The following SCN10A variants were observed in gnomAD, a reference collection of about 807,000 sequenced individuals.
SCN10A encodes sodium voltage-gated channel alpha subunit 10.
A neutral mutation model predicts 170.7 loss-of-function variants in SCN10A; 162 were observed. The observed-to-expected ratio is 0.95, with a 90% CI of 0.84 to 1.08. The LOEUF (loss-of-function observed/expected upper bound fraction) is 1.08, where lower values mean the gene tolerates loss of function less well. SCN10A is among the 50% of genes least tolerant of loss of function. SCN10A has a pLI of 0.00. For missense variants in SCN10A, 2,527 were observed against 2,436.9 expected (o/e 1.04, Z -0.78); for synonymous variants, 985 against 904.6 (o/e 1.09, Z -1.59).
At chr3:38,728,403 G>T in intron 16 of SCN10A, 139 bp downstream of exon 16, 1 of 894,864 alleles carries the variant, frequency 1.1e-6, no homozygotes. Flanking sequence ...AATCCCACAT[G>T]AATTTGAAAA....
intron 14 of SCN10A, 79 bp downstream of exon 14, chr3:38,742,212 C>A: frequency 1.0e-6 from 1 of 973,136 alleles, no homozygotes; most frequent in Non-Finnish European, 1.6e-6. Flanking sequence ...ATGCCCCACC[C>A]CACCCGAACT....
At chr3:38,716,687 G>A (rs1204805851) in intron 21 of SCN10A, among the ~76,000 whole-genome samples, 1 of 152,216 alleles carries the variant, frequency 6.6e-6, no homozygotes, top group Non-Finnish European at 1.5e-5. Context: ...TAGTTGAATG[G>A]AAGGATGGGA....
At chr3:38,792,193 G>A in intron 2 of SCN10A, 25 bp from the exon 3 acceptor site, 1 of 1,610,818 alleles carries the variant, frequency 6.2e-7, no homozygotes, top group Non-Finnish European at 8.5e-7. Context: ...AACAGAAAGT[G>A]GACCTCCAAT....
Position 38,709,590 on chromosome 3 carries a change from T to C in SCN10A, c.4169A>G (p.Asp1390Gly). 1 of 1,608,738 alleles carries C rather than the reference T, an allele frequency of 6.2e-7. No individual in the cohort carries two copies. The highest frequency in any genetic ancestry group is 1.1e-5 in the South Asian group (1 of 89,768). ...AAAGTACAAATACATGTACACGTTGTCCTCCCACTTGGGTTGCATGTTGAC... is the reference window on the plus strand; with the variant it reads ...AAAGTACAAATACATGTACACGTTGCCCTCCCACTTGGGTTGCATGTTGAC... ...REVNMQPKWE[D>G]NVYMYLYFVI... is the part of the protein sequence containing the mutation. The change falls in exon 25 of 28, where the codon GAC becomes GGC. Residue 1390 changes from aspartate (D) to glycine (G), a missense_variant. Coordinates refer to ENST00000449082, the MANE Select transcript of SCN10A (RefSeq NM_006514.4).
intron 11 of SCN10A, among the ~76,000 whole-genome samples, chr3:38,754,873 T>C (rs1360801173): frequency 1.3e-5 from 2 of 152,076 alleles, no homozygotes; most frequent in Non-Finnish European, 2.9e-5. Flanking sequence ...AAAATAGCCA[T>C]GTTGATCCCC....
chr3:38,794,084 C>T (rs2064321440), intron 1 of SCN10A, 42 bp from the exon 2 acceptor site: 4 of 1,375,222 alleles, frequency 2.9e-6, no homozygotes, highest in Non-Finnish European at 4.1e-6. Context: ...GACAGCTTGC[C>T]CACTGGCCCT....
intron 14 of SCN10A, 29 bp from the exon 15 acceptor site, chr3:38,739,717 G>A: frequency 6.4e-7 from 1 of 1,551,010 alleles, no homozygotes; most frequent in South Asian, 1.2e-5. Flanking sequence ...TTTCATCACA[G>A]TGGGATCTGT....
intron 8 of SCN10A, among the ~76,000 whole-genome samples, chr3:38,758,507 G>A (rs1576011523): frequency 6.6e-6 from 1 of 152,228 alleles, no homozygotes; most frequent in Admixed American, 6.5e-5. Flanking sequence ...CTTGGAAGCT[G>A]CTGAAAGGAT....
chr3:38,698,124 A>G lies in SCN10A; in HGVS notation c.5096T>C (p.Ile1699Thr), dbSNP rs1436488932. The G allele has an allele frequency of 6.2e-7, 1 of 1,613,968 alleles. No homozygotes were observed. The highest frequency in any genetic ancestry group is 8.5e-7 in the Non-Finnish European group (1 of 1,180,008). ...GATGATGTAGGTGGTGAAGAAGATGATGCCTACGGCTGGGCTCCCACAGTC... is the reference window on the plus strand; with the variant it reads ...GATGATGTAGGTGGTGAAGAAGATGGTGCCTACGGCTGGGCTCCCACAGTC... ...RGDCGSPAVG[I>T]IFFTTYIIIS... The change falls in exon 28 of 28, where the codon ATC becomes ACC. Residue 1699 changes from isoleucine (I) to threonine (T), a missense_variant. Ile to Thr is a moderately conservative substitution (Grantham distance 89). Transcript: ENST00000449082.
chr3:38,718,523 A>G (rs1030019148), intron 21 of SCN10A, 130 bp downstream of exon 21: 2 of 870,658 alleles, frequency 2.3e-6, no homozygotes, highest in Admixed American at 2.5e-5. Flanking sequence ...CAGACTCCTC[A>G]CTAAATGCTC....
chr3:38,739,812 T>C lies in SCN10A; in HGVS notation c.2107-124A>G, dbSNP rs561408063. ...ATCCTTTTGTTTTGTTCAGTTGCTATGTTATCTGTGGGCTCCTGAGGATTG... is the reference window on the plus strand; with the variant it reads ...ATCCTTTTGTTTTGTTCAGTTGCTACGTTATCTGTGGGCTCCTGAGGATTG... On this transcript the variant is annotated intron_variant, in intron 14 of 27. Coordinates refer to ENST00000449082, the MANE Select transcript of SCN10A (RefSeq NM_006514.4). The C allele has an allele frequency of 3.2e-5, 25 of 773,030 alleles. No homozygotes were observed. In the African/African-American group the frequency reaches 3.7e-4, roughly 11 times the overall value. 47.9% of individuals were successfully genotyped at this position (773,030 alleles called of 1,614,324 possible).
intron 4 of SCN10A, among the ~76,000 whole-genome samples, chr3:38,778,392 C>G (rs1177245835): frequency 6.6e-6 from 1 of 151,774 alleles, no homozygotes; most frequent in Non-Finnish European, 1.5e-5. Context: ...TTTTTGACCC[C>G]CTGCTCTCTT....
At chr3:38,752,763 A>C (rs915099146) in intron 11 of SCN10A, among the ~76,000 whole-genome samples, 2 of 152,246 alleles carry the variant, frequency 1.3e-5, no homozygotes, top group Admixed American at 1.3e-4. Context: ...TGCTCAGCAA[A>C]TAGGTTATCA....
At position 38,697,934 on chromosome 3, in the gene SCN10A, A is replaced by G. The variant is rs750340252; in HGVS notation, c.5286T>C (p.Ser1762=). Residue 1762 remains serine (S), a synonymous_variant, in exon 28 of 28, where the codon TCT becomes TCC. Transcript: ENST00000449082. ...GAGTGTCTGCAAAGTCCGAGAGAGC[A>G]GAAAAGGTAATAAACTGAGTGGCCT... The part of the protein sequence containing the change: ...DPEATQFITF[S]ALSDFADTLS... 3.7e-6 allele frequency: 6 copies of G among 1,614,124 alleles called. No homozygotes were observed. Among genetic ancestry groups the G allele is most frequent in the African/African-American group, 1.3e-5 (1 of 75,020 alleles).
chr3:38,771,160 T>G, intron 5 of SCN10A, 119 bp downstream of exon 5: 2 of 1,104,918 alleles, frequency 1.8e-6, no homozygotes, highest in Non-Finnish European at 2.6e-6. Flanking sequence ...GGAGCAAACG[T>G]TCATGGTGTG....
At chr3:38,796,339 T>G (rs754305837) in intron 1 of SCN10A, among the ~76,000 whole-genome samples, 9 of 152,106 alleles carry the variant, frequency 5.9e-5, no homozygotes, top group Non-Finnish European at 1.3e-4. Context: ...TCTTCATATC[T>G]CTCTAACCTC....
chr3:38,742,394 T>C lies in SCN10A; in HGVS notation c.2003A>G (p.Glu668Gly). ...CACGATGCACAAGGTGATGGTGAGC[T>C]CTGCAAAGGGATCCGTCACAAGCCC... ...LFGLVTDPFA[E>G]LTITLCIVVN... Residue 668 changes from glutamate to glycine, a missense_variant, in exon 14 of 28, where the codon GAG (glutamate) becomes GGG (glycine). Transcript: ENST00000449082. The C allele has an allele frequency of 6.2e-7, 1 of 1,614,142 alleles. No individual in the cohort carries two copies. Among genetic ancestry groups the C allele is most frequent in the Non-Finnish European group, 8.5e-7 (1 of 1,180,018 alleles).
chr3:38,712,886 G>C (rs1224898163), intron 22 of SCN10A, among the ~76,000 whole-genome samples: 1 of 152,174 alleles, frequency 6.6e-6, no homozygotes, highest in African/African-American at 2.4e-5. Context: ...TAGCTTATTT[G>C]TAAATAAGCA....
Position 38,771,148 on chromosome 3 carries a change from T to C in SCN10A, c.599+131A>G, listed in dbSNP as rs963935185. ...TCCTGGTATATTCCTGCAGTGGTTCTTGGAGCAAACGTTCATGGTGTGAGT... is the reference window on the plus strand; with the variant it reads ...TCCTGGTATATTCCTGCAGTGGTTCCTGGAGCAAACGTTCATGGTGTGAGT... On this transcript the variant is annotated intron_variant, in intron 5 of 27. Coordinates refer to ENST00000449082, the MANE Select transcript of SCN10A (RefSeq NM_006514.4). 10 of 973,200 alleles carry C rather than the reference T, an allele frequency of 1.0e-5. No homozygotes were observed. In the African/African-American group the frequency reaches 1.6e-4, roughly 16 times the overall value. The allele number at this position is 973,200 out of a possible 1,614,324, so 60.3% of individuals were successfully genotyped here.
Sources: allele counts gnomAD v4.1 joint callset (sites outside exome capture counted in the v4.1 genomes callset), GRCh38; gene constraint gnomAD v4.1.1; transcripts MANE v1.5; gene names NCBI Gene and HGNC (gene_info 2026-07-23, HGNC 2026-07-21).